DDHD1: variants seen among roughly 807,000 people sequenced by gnomAD.
DDHD1 encodes the protein DDHD domain containing 1.
Under a neutral mutation model 96.4 loss-of-function variants are expected in DDHD1, and 49 were observed. The ratio of observed to expected loss-of-function variants is 0.51; its 90% CI spans 0.40 to 0.64. DDHD1 has a LOEUF of 0.64. Ranked by LOEUF, DDHD1 falls within the 30% of genes least tolerant of loss-of-function variation. DDHD1 has a pLI of 0.00. For synonymous variants in DDHD1, 442 were observed against 446.5 expected, an observed-to-expected ratio of 0.99 and a Z score of 0.13; for missense variants, 1,106 against 1,161.2, an observed-to-expected ratio of 0.95 and a Z score of 0.69.
At chr14:53,097,862 CAAAG>C (rs1022241144) in intron 2 of DDHD1, among the ~76,000 whole-genome samples, 1 of 151,712 alleles carries the variant, frequency 6.6e-6, no homozygotes, top group African/African-American at 2.4e-5. Flanking sequence ...CACAGAGAAA[CAAAG>C]AAAAAAATTT....
chr14:53,055,595 TC>T, intron 10 of DDHD1, 64 bp downstream of exon 10: 1 of 1,362,706 alleles, frequency 7.3e-7, no homozygotes. Context: ...ATACTTCTAG[TC>T]CCCCAAACTT....
chr14:53,141,790 C>T (rs904402151), intron 1 of DDHD1, among the ~76,000 whole-genome samples: 21 of 152,078 alleles, frequency 1.4e-4, no homozygotes, highest in South Asian at 2.1e-4. Flanking sequence ...AGTTTTAAGA[C>T]GAGTACATGA....
intron 6 of DDHD1, among the ~76,000 whole-genome samples, chr14:53,068,320 T>A (rs1884223023): frequency 7.0e-6 from 1 of 143,454 alleles, no homozygotes; most frequent in African/African-American, 2.6e-5. Context: ...AACAGCTCAC[T>A]GCAGCCTCGA....
intron 1 of DDHD1, 125 bp downstream of exon 1, chr14:53,152,136 G>A: frequency 2.1e-6 from 2 of 962,962 alleles, no homozygotes; most frequent in Middle Eastern, 2.5e-4. Context: ...TCTCCATCCT[G>A]CCCCAGCCAA....
intron 1 of DDHD1, among the ~76,000 whole-genome samples, 179 bp from the exon 2 acceptor site, chr14:53,104,035 G>A (rs552631900): frequency 1.3e-5 from 2 of 152,216 alleles, no homozygotes; most frequent in Admixed American, 6.5e-5. Flanking sequence ...ATCTTGCTCT[G>A]TTGCCCAGGA....
intron 8 of DDHD1, among the ~76,000 whole-genome samples, chr14:53,060,065 T>C (rs1883420284): frequency 6.6e-6 from 1 of 152,020 alleles, no homozygotes. Flanking sequence ...TAAAAACTCT[T>C]AACGTTTTAA....
chr14:53,087,851 C>CA (rs959517841), intron 4 of DDHD1, among the ~76,000 whole-genome samples: 4 of 151,868 alleles, frequency 2.6e-5, no homozygotes, highest in Admixed American at 1.3e-4. Flanking sequence ...AAAAACCCTT[C>CA]AAAAAAATCA....
intron 1 of DDHD1, 151 bp downstream of exon 1, chr14:53,152,110 G>T: frequency 1.2e-6 from 1 of 830,390 alleles, no homozygotes; most frequent in Non-Finnish European, 1.8e-6. Flanking sequence ...TTCAGCTGCC[G>T]ACGCTCCCTG....
At chr14:53,109,004 G>A (rs1291204077) in intron 1 of DDHD1, among the ~76,000 whole-genome samples, 2 of 152,040 alleles carry the variant, frequency 1.3e-5, no homozygotes, top group Non-Finnish European at 2.9e-5. Flanking sequence ...CTATTCTTGA[G>A]CATAGGGTTC....
intron 11 of DDHD1, 128 bp from the exon 12 acceptor site, chr14:53,052,055 T>C (rs1882634096): frequency 3.1e-6 from 2 of 643,880 alleles, no homozygotes; most frequent in Non-Finnish European, 2.7e-6. Flanking sequence ...ATACATAAAG[T>C]AGTACACATC....
intron 6 of DDHD1, among the ~76,000 whole-genome samples, chr14:53,071,362 GA>G (rs904738424): frequency 3.5e-4 from 53 of 151,484 alleles, no homozygotes; most frequent in African/African-American, 1.1e-3. Context: ...TTTTCAGAGG[GA>G]AAAAAAAGAA....
chr14:53,103,122 C>T (rs1887433667), intron 2 of DDHD1: 1 of 1,472,218 alleles, frequency 6.8e-7, no homozygotes, highest in African/African-American at 1.4e-5. Context: ...AAGATTTAGA[C>T]ACACAATGAA....
At chr14:53,063,823 G>A (rs1367776424) in intron 6 of DDHD1, among the ~76,000 whole-genome samples, 2 of 152,048 alleles carry the variant, frequency 1.3e-5, no homozygotes, top group Non-Finnish European at 2.9e-5. Flanking sequence ...GGAAAGCAGG[G>A]CTATTTTAAG....
chr14:53,080,147 G>A (rs533001202), intron 4 of DDHD1, among the ~76,000 whole-genome samples: 10 of 152,310 alleles, frequency 6.6e-5, no homozygotes, highest in Admixed American at 5.9e-4. Flanking sequence ...ATCACTTGAG[G>A]TCAGGAGTCT....
intron 2 of DDHD1, among the ~76,000 whole-genome samples, chr14:53,097,836 G>A (rs144217229): frequency 1.7e-3 from 265 of 151,872 alleles, no homozygotes; most frequent in African/African-American, 6.2e-3. Context: ...TTAATAAAAA[G>A]ACAAACACCC....
intron 4 of DDHD1, among the ~76,000 whole-genome samples, chr14:53,084,906 C>T (rs1595145759): frequency 1.3e-5 from 2 of 152,164 alleles, no homozygotes; most frequent in African/African-American, 4.8e-5. Flanking sequence ...ATGGGAAAAT[C>T]GAGACACTGC....
intron 1 of DDHD1, among the ~76,000 whole-genome samples, chr14:53,111,072 T>C (rs1888066408): frequency 6.6e-6 from 1 of 152,192 alleles, no homozygotes; most frequent in African/African-American, 2.4e-5. Context: ...CATGGGTTCT[T>C]CTTGACTGAA....
At chr14:53,069,591 T>C (rs879451638) in intron 6 of DDHD1, among the ~76,000 whole-genome samples, 1 of 152,228 alleles carries the variant, frequency 6.6e-6, no homozygotes, top group African/African-American at 2.4e-5. Flanking sequence ...CTTGCTTTAT[T>C]GTGACATTCA....
intron 4 of DDHD1, among the ~76,000 whole-genome samples, chr14:53,084,404 T>C (rs375629063): frequency 1.2e-4 from 18 of 152,298 alleles, no homozygotes; most frequent in East Asian, 1.2e-3. Flanking sequence ...ACCTTCTTAT[T>C]TATCAATGGC....
Sources: allele counts gnomAD v4.1 joint callset (sites outside exome capture counted in the v4.1 genomes callset), GRCh38; gene constraint gnomAD v4.1.1; transcripts MANE v1.5; gene names NCBI Gene and HGNC (gene_info 2026-07-23, HGNC 2026-07-21).